NF2: variants seen among roughly 807,000 people sequenced by gnomAD.
NF2 encodes the protein NF2, moesin-ezrin-radixin like (MERLIN) tumor suppressor.
Under a neutral mutation model 83.7 loss-of-function variants are expected in NF2, and 8 were observed. The ratio of observed to expected loss-of-function variants is 0.10; its 90% confidence interval spans 0.06 to 0.17. The LOEUF is 0.17. NF2 is among the 10% of genes least tolerant of loss of function. The probability of loss-of-function intolerance (pLI) is 1.00; values close to 1 mark genes in which losing one functional copy is unlikely to be tolerated. For synonymous variants in NF2, 266 were observed against 269.6 expected (o/e 0.99, Z 0.13); for missense variants, 533 against 744.4 (o/e 0.72, Z 3.31).
intron 11 of NF2, 56 bp from the exon 12 acceptor site, chr22:29,673,213 C>T: frequency 6.5e-7 from 1 of 1,531,234 alleles, no homozygotes; most frequent in Non-Finnish European, 8.9e-7. Flanking sequence ...CAAGGCAGAT[C>T]TGGGCGGGAG....
chr22:29,615,845 CAT>C (rs1289229481), intron 1 of NF2, among the ~76,000 whole-genome samples: 1 of 152,168 alleles, frequency 6.6e-6, no homozygotes, highest in African/African-American at 2.4e-5. Flanking sequence ...GAAATGAAAA[CAT>C]AGCTTTACGA....
chr22:29,622,409 C>T (rs2065237078), intron 1 of NF2, among the ~76,000 whole-genome samples: 1 of 152,244 alleles, frequency 6.6e-6, no homozygotes, highest in African/African-American at 2.4e-5. Flanking sequence ...TATGTTATAA[C>T]AGTTAAGCAT....
chr22:29,628,654 A>C (rs1459126272), intron 1 of NF2, among the ~76,000 whole-genome samples: 1 of 104,328 alleles, frequency 9.6e-6, no homozygotes, highest in Non-Finnish European at 1.8e-5. Context: ...TTTTTTTGAG[A>C]TAGTCTTGCT....
chr22:29,629,785 A>G (rs1381393174), intron 1 of NF2, among the ~76,000 whole-genome samples: 1 of 152,272 alleles, frequency 6.6e-6, no homozygotes, highest in East Asian at 1.9e-4. Context: ...TTGAAACGGC[A>G]TTCTTCGTGT....
At chr22:29,622,566 A>G (rs972042282) in intron 1 of NF2, among the ~76,000 whole-genome samples, 1 of 151,444 alleles carries the variant, frequency 6.6e-6, no homozygotes, top group Admixed American at 6.6e-5. Flanking sequence ...AAAGTTAGTT[A>G]ACTGTTCAGA....
chr22:29,638,437 A>G (rs937143469), intron 2 of NF2, among the ~76,000 whole-genome samples: 20 of 149,818 alleles, frequency 1.3e-4, no homozygotes, highest in African/African-American at 4.2e-4. Flanking sequence ...TGCAACCTCT[A>G]CCTCCTGGGT....
rs1332525934 is a variant in NF2 at position 29,604,104 on chromosome 22, A to G, written c.106A>G (p.Asn36Asp). 3 of 1,604,230 alleles carry G rather than the reference A, an allele frequency of 1.9e-6. No homozygotes were observed. Among genetic ancestry groups the G allele is most frequent in the South Asian group, 2.2e-5 (2 of 89,404 alleles). Reference protein sequence around the residue: ...IVTMDAEMEFNCEMKWKGKDL... With the variant: ...IVTMDAEMEFDCEMKWKGKDL... ...CACCATGGACGCCGAGATGGAGTTC[A>G]ATTGCGAGGTAACCGGCCGGCAGCC... Residue 36 changes from asparagine to aspartate, a missense_variant, in exon 1 of 16, where the codon AAT becomes GAT. This residue lies in a region of NF2 where 326 missense variants were observed against 475.1 expected (regional missense o/e 0.69). Transcript: ENST00000338641.
intron 3 of NF2, 98 bp downstream of exon 3, chr22:29,639,310 A>G: frequency 2.8e-6 from 4 of 1,446,670 alleles, no homozygotes; most frequent in Non-Finnish European, 3.9e-6. Flanking sequence ...TTTGTATTGC[A>G]AAAATATTCT....
At chr22:29,662,210 T>C (rs2066498816) in intron 8 of NF2, among the ~76,000 whole-genome samples, 2 of 152,166 alleles carry the variant, frequency 1.3e-5, no homozygotes, top group African/African-American at 4.8e-5. Flanking sequence ...CACGGCTCAC[T>C]GCAGCCTTGA....
chr22:29,638,536 G>A (rs1180071780), intron 2 of NF2, among the ~76,000 whole-genome samples: 1 of 152,002 alleles, frequency 6.6e-6, no homozygotes, highest in Non-Finnish European at 1.5e-5. Flanking sequence ...ATTTTTAGTA[G>A]AGATGGGGTT....
At chr22:29,665,094 A>G (rs776312977) in intron 9 of NF2, 30 bp downstream of exon 9, 2 of 1,520,954 alleles carry the variant, frequency 1.3e-6, no homozygotes, top group Non-Finnish European at 1.8e-6. Flanking sequence ...TTCATTACTG[A>G]TAATGGTAGC....
chr22:29,613,904 G>T (rs531134738), intron 1 of NF2, among the ~76,000 whole-genome samples: 2 of 151,184 alleles, frequency 1.3e-5, no homozygotes, highest in African/African-American at 2.4e-5. Context: ...GACTACAGGC[G>T]CCTGTCACAA....
At chr22:29,608,276 G>A (rs914929015) in intron 1 of NF2, among the ~76,000 whole-genome samples, 5 of 148,892 alleles carry the variant, frequency 3.4e-5, no homozygotes, top group Admixed American at 1.3e-4. Context: ...GAAAGAATTC[G>A]TTAATTTTTT....
chr22:29,628,259 C>T (rs185645421), intron 1 of NF2, among the ~76,000 whole-genome samples: 1 of 150,306 alleles, frequency 6.7e-6, no homozygotes, highest in East Asian at 2.0e-4. Flanking sequence ...AAGACAAGTA[C>T]CTCATTTTTC....
chr22:29,651,863 C>T (rs1046595726), intron 4 of NF2, among the ~76,000 whole-genome samples: 1 of 152,278 alleles, frequency 6.6e-6, no homozygotes, highest in South Asian at 2.1e-4. Context: ...TGCATTAGAG[C>T]TTGGTCAGCA....
intron 1 of NF2, among the ~76,000 whole-genome samples, chr22:29,620,903 C>T (rs994362015): frequency 3.3e-5 from 5 of 152,046 alleles, no homozygotes; most frequent in African/African-American, 1.2e-4. Context: ...GGAACACCTC[C>T]TAGCAGTGAT....
intron 1 of NF2, among the ~76,000 whole-genome samples, chr22:29,625,751 G>T (rs543294488): frequency 1.1e-4 from 17 of 152,362 alleles, no homozygotes; most frequent in Admixed American, 6.5e-4. Flanking sequence ...GCAGGAATCT[G>T]TGTGGCACCA....
intron 1 of NF2, among the ~76,000 whole-genome samples, chr22:29,608,347 C>T (rs1200095255): frequency 6.7e-6 from 1 of 149,418 alleles, no homozygotes; most frequent in Non-Finnish European, 1.5e-5. Context: ...GGGGCAATCT[C>T]GGCTCACTGC....
At chr22:29,680,352 C>T (rs751646561) in intron 14 of NF2, among the ~76,000 whole-genome samples, 2 of 152,168 alleles carry the variant, frequency 1.3e-5, no homozygotes, top group South Asian at 2.1e-4. Context: ...CCTCATGATC[C>T]GCCCACCTTG....
Sources: gnomAD v4.1 joint callset for allele counts (sites outside exome capture counted in the v4.1 genomes callset) on GRCh38, gnomAD v4.1.1 for gene constraint, gnomAD v4.1.1 regional missense constraint, MANE v1.5 for transcripts, NCBI Gene and HGNC (gene_info 2026-07-23, HGNC 2026-07-21) for gene names.